The following SGCZ variants were observed in gnomAD, a reference collection of about 807,000 sequenced individuals.
The protein encoded by SGCZ is zeta-sarcoglycan.
In SGCZ, 40 loss-of-function variants were observed where a neutral mutation model predicts 41.3. That is an observed-to-expected ratio of 0.97 (90% CI 0.75 to 1.26). SGCZ has a LOEUF of 1.26. Among genes scored for constraint, SGCZ ranks in the 50% most tolerant of loss-of-function variants. The pLI is 0.00. For missense variants in SGCZ, 552 were observed against 369.8 expected, an observed-to-expected ratio of 1.49 and a Z score of -4.04; for synonymous variants, 206 against 137.5, an observed-to-expected ratio of 1.50 and a Z score of -3.49.
rs371756022 is a variant in SGCZ, at chr8:14,235,216, C to T, written c.424+2376G>A. 1.1e-4 allele frequency among the ~76,000 whole-genome samples: 16 copies of T among 152,146 alleles called. No homozygotes were observed. The East Asian group carries it at 2.9e-3, about 27-fold the overall frequency. Reference sequence around the variant, plus strand: ...TGTGGCTTTGTTTCAAATATGAATACATTATCTCCTTTCACACAGCCCTAG... The same window carrying T: ...TGTGGCTTTGTTTCAAATATGAATATATTATCTCCTTTCACACAGCCCTAG... On this transcript the variant is annotated intron_variant, in intron 4 of 7. Transcript: ENST00000382080.
intron 1 of SGCZ, among the ~76,000 whole-genome samples, chr8:14,612,670 TG>T (rs1805967296): frequency 6.6e-6 from 1 of 151,768 alleles, no homozygotes; most frequent in African/African-American, 2.4e-5. Flanking sequence ...TGTGTTTTTT[TG>T]TTTTTTTGTT....
intron 2 of SGCZ, among the ~76,000 whole-genome samples, chr8:14,395,499 A>G (rs527862756): frequency 1.3e-5 from 2 of 152,196 alleles, no homozygotes; most frequent in African/African-American, 2.4e-5. Context: ...CACTTGGGCT[A>G]ATAACAACAG....
chr8:14,447,344 CA>C (rs920894649), intron 2 of SGCZ, among the ~76,000 whole-genome samples: 1 of 151,970 alleles, frequency 6.6e-6, no homozygotes, highest in African/African-American at 2.4e-5. Flanking sequence ...CAAAAAAATA[CA>C]AATCTTGAGC....
intron 1 of SGCZ, among the ~76,000 whole-genome samples, chr8:14,741,147 T>A (rs990513555): frequency 6.6e-6 from 1 of 152,076 alleles, no homozygotes; most frequent in Non-Finnish European, 1.5e-5. Context: ...TGTATTTAAC[T>A]ATGAAGGACG....
chr8:15,041,019 TTAAA>T (rs1166495540), intron 1 of SGCZ, among the ~76,000 whole-genome samples: 1 of 152,038 alleles, frequency 6.6e-6, no homozygotes, highest in Non-Finnish European at 1.5e-5. Flanking sequence ...AAACTTCTAT[TTAAA>T]TAATAGAGTA....
intron 3 of SGCZ, among the ~76,000 whole-genome samples, chr8:14,290,149 A>G (rs1438677316): frequency 6.6e-6 from 1 of 152,098 alleles, no homozygotes; most frequent in Non-Finnish European, 1.5e-5. Flanking sequence ...TGTATTAAGA[A>G]CAAAATTAAA....
chr8:15,126,415 T>C (rs1807683042), intron 1 of SGCZ, among the ~76,000 whole-genome samples: 1 of 152,174 alleles, frequency 6.6e-6, no homozygotes, highest in South Asian at 2.1e-4. Flanking sequence ...ATTAATTTAG[T>C]GACCACACAT....
In SGCZ at chr8:14,681,277, T is replaced by C. The variant is rs74990004; in HGVS notation, c.40-126351A>G. Among the ~76,000 whole-genome samples the C allele has an allele frequency of 4.1e-3, 619 of 152,252 alleles. 15 individuals are homozygous for C. The highest frequency in any genetic ancestry group is 0.031 in the Admixed American group (468 of 15,292). ...ACAGATGAACACAATTAGGAATTAC[T>C]GTAGATGTATAATCAGGAACAATGC... On this transcript the variant is annotated intron_variant, in intron 1 of 7. Transcript: ENST00000382080.
In SGCZ at chr8:14,859,763, T is replaced by G. The variant is rs570423667; in HGVS notation, c.40-304837A>C. Among the ~76,000 whole-genome samples the G allele has an allele frequency of 2.6e-5, 4 of 152,290 alleles. No individual in the cohort carries two copies. In the East Asian group the frequency reaches 7.7e-4, roughly 29 times the overall value. ...AAATAATATGTAAGCCAGCGAAATA[T>G]GAGTGCAAAATAATCTAAAAAGGAA... On this transcript the variant is annotated intron_variant, in intron 1 of 7. Coordinates refer to ENST00000382080, the MANE Select transcript of SGCZ (RefSeq NM_139167.4).
intron 3 of SGCZ, among the ~76,000 whole-genome samples, chr8:14,274,350 C>T (rs1285561970): frequency 1.3e-5 from 2 of 152,102 alleles, no homozygotes; most frequent in Non-Finnish European, 2.9e-5. Context: ...ATTAACGCTG[C>T]ACTTATTAAG....
At chr8:14,682,096 G>A (rs1286444579) in intron 1 of SGCZ, among the ~76,000 whole-genome samples, 1 of 151,990 alleles carries the variant, frequency 6.6e-6, no homozygotes, top group Non-Finnish European at 1.5e-5. Context: ...ACAGCCCTGG[G>A]GCATAATCTA....
intron 1 of SGCZ, among the ~76,000 whole-genome samples, chr8:15,182,824 T>C (rs1394726955): frequency 6.6e-6 from 1 of 152,244 alleles, no homozygotes. Flanking sequence ...TATAATTTTT[T>C]AAACTTTTCG....
At chr8:14,577,411 CAG>C (rs1804744775) in intron 1 of SGCZ, among the ~76,000 whole-genome samples, 1 of 109,278 alleles carries the variant, frequency 9.2e-6, no homozygotes, top group African/African-American at 3.8e-5. Flanking sequence ...TTTTTTGAGA[CAG>C]AGTCTCACTC....
At chr8:14,760,160 C>G (rs1050186705) in intron 1 of SGCZ, among the ~76,000 whole-genome samples, 2 of 152,146 alleles carry the variant, frequency 1.3e-5, no homozygotes, top group Admixed American at 6.6e-5. Flanking sequence ...AAATAAATGA[C>G]TATGCCCGGA....
At chr8:14,807,569 G>A (rs1014815061) in intron 1 of SGCZ, among the ~76,000 whole-genome samples, 1 of 151,376 alleles carries the variant, frequency 6.6e-6, no homozygotes. Flanking sequence ...CACTGCTCAA[G>A]GAAATAAAAG....
chr8:15,127,314 G>A (rs1204603123), intron 1 of SGCZ, among the ~76,000 whole-genome samples: 2 of 151,456 alleles, frequency 1.3e-5, no homozygotes, highest in Admixed American at 1.3e-4. Context: ...TACCAGGATA[G>A]GCGTTATACT....
At chr8:14,447,943 G>T (rs894723241) in intron 2 of SGCZ, among the ~76,000 whole-genome samples, 16 of 152,146 alleles carry the variant, frequency 1.1e-4, no homozygotes, top group Admixed American at 3.9e-4. Flanking sequence ...GTACTTACTT[G>T]TACCATCTCA....
At chr8:14,839,614 A>G (rs1802829628) in intron 1 of SGCZ, among the ~76,000 whole-genome samples, 1 of 152,062 alleles carries the variant, frequency 6.6e-6, no homozygotes, top group African/African-American at 2.4e-5. Context: ...CAATGTTCTA[A>G]TGAAAGTCTT....
intron 2 of SGCZ, among the ~76,000 whole-genome samples, chr8:14,380,170 T>C (rs1203624746): frequency 6.6e-6 from 1 of 152,222 alleles, no homozygotes; most frequent in Non-Finnish European, 1.5e-5. Flanking sequence ...ATATGCAAGC[T>C]TTATATAGTA....
Sources: allele counts gnomAD v4.1 joint callset (sites outside exome capture counted in the v4.1 genomes callset), GRCh38; gene constraint gnomAD v4.1.1; transcripts MANE v1.5; gene names NCBI Gene and HGNC (gene_info 2026-07-23, HGNC 2026-07-21).